ANTXR1: variants seen among roughly 807,000 people sequenced by gnomAD.
The protein encoded by ANTXR1 is ANTXR cell adhesion molecule 1, also known as anthrax toxin receptor 1.
ANTXR1 carries 19 observed loss-of-function variants against 78.1 expected under a neutral mutation model. The ratio of observed to expected loss-of-function variants is 0.24; its 90% CI spans 0.17 to 0.36. The LOEUF (loss-of-function observed/expected upper bound fraction) is 0.36. Among genes scored for constraint, ANTXR1 ranks in the 10% least tolerant of loss-of-function variants. The pLI, the probability that ANTXR1 is intolerant of heterozygous loss-of-function variation, is 1.00. For missense variants in ANTXR1, 518 were observed against 718.6 expected, an observed-to-expected ratio of 0.72 and a Z score of 3.19; for synonymous variants, 273 against 260.5, an observed-to-expected ratio of 1.05 and a Z score of -0.46.
intron 17 of ANTXR1, among the ~76,000 whole-genome samples, chr2:69,197,841 C>T (rs933664031): frequency 2.6e-5 from 4 of 152,184 alleles, no homozygotes; most frequent in Non-Finnish European, 4.4e-5. Flanking sequence ...TGAGAAAGAA[C>T]GCTTCAAGGG....
At chr2:69,193,041 A>C (rs900330433) in intron 16 of ANTXR1, among the ~76,000 whole-genome samples, 10 of 152,342 alleles carry the variant, frequency 6.6e-5, no homozygotes, top group East Asian at 5.8e-4. Context: ...AAATGTGATA[A>C]AGACAAAAGC....
chr2:69,201,553 G>A (rs1231908322), intron 17 of ANTXR1, among the ~76,000 whole-genome samples: 1 of 152,212 alleles, frequency 6.6e-6, no homozygotes, highest in Non-Finnish European at 1.5e-5. Context: ...TAGAAAGGTC[G>A]CACTGGCTGC....
chr2:69,057,888 C>A (rs1167142595), intron 3 of ANTXR1, among the ~76,000 whole-genome samples: 1 of 152,158 alleles, frequency 6.6e-6, no homozygotes, highest in Non-Finnish European at 1.5e-5. Context: ...AAGTGCTACT[C>A]CAGTGAACAC....
chr2:69,040,486 A>G (rs1669581720), intron 2 of ANTXR1, among the ~76,000 whole-genome samples: 1 of 152,124 alleles, frequency 6.6e-6, no homozygotes, highest in South Asian at 2.1e-4. Flanking sequence ...AGGATGAACA[A>G]TTCATCCCAG....
chr2:69,025,323 A>G (rs1438776424), intron 1 of ANTXR1, among the ~76,000 whole-genome samples: 3 of 152,168 alleles, frequency 2.0e-5, no homozygotes, highest in Non-Finnish European at 4.4e-5. Flanking sequence ...TAACCCCATA[A>G]CAACTCATAT....
intron 12 of ANTXR1, among the ~76,000 whole-genome samples, chr2:69,134,618 G>A (rs1000576116): frequency 6.6e-6 from 1 of 152,114 alleles, no homozygotes; most frequent in African/African-American, 2.4e-5. Context: ...AGTATGTTAG[G>A]AAAGGAGTAA....
intron 10 of ANTXR1, chr2:69,103,246 C>G (rs920456065): frequency 1.9e-5 from 8 of 418,066 alleles, no homozygotes; most frequent in Non-Finnish European, 2.7e-5. Context: ...CCGGAAGCAG[C>G]GGGGCACTGG....
chr2:69,162,888 T>C (rs1673718167), intron 13 of ANTXR1, among the ~76,000 whole-genome samples: 2 of 152,154 alleles, frequency 1.3e-5, no homozygotes, highest in African/African-American at 4.8e-5. Context: ...AGCAGAACAT[T>C]CAAAACTGTG....
intron 3 of ANTXR1, among the ~76,000 whole-genome samples, chr2:69,060,596 A>C (rs1670204707): frequency 6.6e-6 from 1 of 152,222 alleles, no homozygotes; most frequent in East Asian, 1.9e-4. Context: ...CATGCCATAA[A>C]ACACAAATCT....
intron 10 of ANTXR1, among the ~76,000 whole-genome samples, chr2:69,116,702 C>T (rs1672154178): frequency 2.0e-5 from 3 of 152,174 alleles, no homozygotes; most frequent in African/African-American, 7.2e-5. Context: ...TTCGGGCTTA[C>T]ATCAGCTTTG....
chr2:69,061,325 A>G (rs1670237246), intron 3 of ANTXR1, among the ~76,000 whole-genome samples: 1 of 152,232 alleles, frequency 6.6e-6, no homozygotes, highest in African/African-American at 2.4e-5. Context: ...GAGAAATTAT[A>G]GAGACATCTG....
intron 12 of ANTXR1, chr2:69,134,903 GTC>G (rs1672866109): frequency 4.7e-6 from 1 of 215,026 alleles, no homozygotes; most frequent in South Asian, 6.4e-5. Flanking sequence ...TTATTAGCCA[GTC>G]TCCATAGAGC....
At chr2:69,119,800 C>G (rs993275820) in intron 10 of ANTXR1, among the ~76,000 whole-genome samples, 2 of 152,206 alleles carry the variant, frequency 1.3e-5, no homozygotes, top group Admixed American at 1.3e-4. Context: ...TCCAAGCTCC[C>G]GTGTGTAACC....
intron 17 of ANTXR1, among the ~76,000 whole-genome samples, chr2:69,198,289 C>A (rs761850938): frequency 6.6e-6 from 1 of 152,134 alleles, no homozygotes; most frequent in Non-Finnish European, 1.5e-5. Context: ...TATTAACGTA[C>A]CTATTTGATT....
intron 17 of ANTXR1, among the ~76,000 whole-genome samples, chr2:69,193,929 G>A: frequency 6.6e-6 from 1 of 152,216 alleles, no homozygotes; most frequent in East Asian, 1.9e-4. Context: ...CAGGACCAGA[G>A]GGATCTTTCA....
At chr2:69,037,658 C>T (rs578190374) in intron 1 of ANTXR1, among the ~76,000 whole-genome samples, 20 of 151,930 alleles carry the variant, frequency 1.3e-4, no homozygotes, top group African/African-American at 4.8e-4. Flanking sequence ...TTAGTAGAGA[C>T]GGGGTTTCGC....
intron 8 of ANTXR1, among the ~76,000 whole-genome samples, chr2:69,084,075 T>G (rs890944863): frequency 1.3e-5 from 2 of 152,172 alleles, no homozygotes; most frequent in African/African-American, 4.8e-5. Context: ...CTCAGATCAT[T>G]CCTATTCTTC....
At chr2:69,110,147 T>C (rs1440617053) in intron 10 of ANTXR1, among the ~76,000 whole-genome samples, 1 of 152,166 alleles carries the variant, frequency 6.6e-6, no homozygotes, top group Non-Finnish European at 1.5e-5. Context: ...CAACACGCAG[T>C]CTTGGAAAAC....
rs977298420 is a variant in ANTXR1 at position 69,131,161 on chromosome 2, T to C, written c.951+6518T>C. 2.6e-5 allele frequency among the ~76,000 whole-genome samples: 4 copies of C among 152,232 alleles called. No homozygotes were observed. The East Asian group carries it at 7.7e-4, about 29-fold the overall frequency. On this transcript the variant is annotated intron_variant, in intron 12 of 17. Coordinates refer to ENST00000303714, the MANE Select transcript of ANTXR1 (RefSeq NM_032208.3). ...ATGTTCTTTTGTTCTATTCTATATG[T>C]ACTTTCTTTGGGGCCCCTCTTTCTG...
Sources: allele counts gnomAD v4.1 joint callset (sites outside exome capture counted in the v4.1 genomes callset), GRCh38; gene constraint gnomAD v4.1.1; transcripts MANE v1.5; gene names NCBI Gene and HGNC (gene_info 2026-07-23, HGNC 2026-07-21).